The following PTPN4 variants were observed in gnomAD, a reference collection of about 807,000 sequenced individuals.
PTPN4 encodes the protein tyrosine-protein phosphatase non-receptor type 4.
Under a neutral mutation model 135.5 loss-of-function variants are expected in PTPN4, and 49 were observed. The ratio of observed to expected loss-of-function variants is 0.36; its 90% CI spans 0.29 to 0.46. The LOEUF (loss-of-function observed/expected upper bound fraction) is 0.46. Among genes scored for constraint, PTPN4 ranks in the 20% least tolerant of loss-of-function variants. PTPN4 has a pLI of 1.00. For missense variants in PTPN4, 860 were observed against 1,101.0 expected, an observed-to-expected ratio of 0.78 and a Z score of 3.10; for synonymous variants, 333 against 369.9, an observed-to-expected ratio of 0.90 and a Z score of 1.14.
At chr2:119,940,251 T>G (rs1192884093) in intron 15 of PTPN4, among the ~76,000 whole-genome samples, 1 of 152,220 alleles carries the variant, frequency 6.6e-6, no homozygotes, top group Non-Finnish European at 1.5e-5. Flanking sequence ...CAACCTGAAG[T>G]GACATTTACT....
At position 119,978,454 on chromosome 2, in the gene PTPN4, A is replaced by C. The variant is rs1679648879; in HGVS notation, c.*1384A>C. On this transcript the variant is annotated 3_prime_UTR_variant, in exon 27 of 27. Coordinates refer to ENST00000263708, the MANE Select transcript of PTPN4 (RefSeq NM_002830.4). ...TTGTTTTTTTGTGTACAATTAAATT[A>C]TTCCATTTTATATATACTTATTAAG... The C allele has an allele frequency of 6.6e-6, 1 of 152,128 alleles. No homozygotes were observed. Among genetic ancestry groups the C allele is most frequent in the Admixed American group, 6.5e-5 (1 of 15,270 alleles). 9.4% of individuals were successfully genotyped at this position (152,128 alleles called of 1,614,324 possible).
intron 9 of PTPN4, among the ~76,000 whole-genome samples, chr2:119,887,039 C>T (rs1678170004): frequency 1.3e-5 from 2 of 151,716 alleles, no homozygotes; most frequent in South Asian, 4.2e-4. Context: ...TAAAATATGC[C>T]CCTTTATTTT....
chr2:119,812,621 A>G (rs943371896), intron 2 of PTPN4, among the ~76,000 whole-genome samples: 6 of 152,234 alleles, frequency 3.9e-5, no homozygotes, highest in African/African-American at 1.4e-4. Flanking sequence ...TGTTGTTTCA[A>G]TGTCAAGTCC....
intron 18 of PTPN4, 26 bp from the exon 19 acceptor site, chr2:119,951,947 G>C (rs774763430): frequency 1.3e-5 from 20 of 1,545,196 alleles, no homozygotes; most frequent in Admixed American, 1.9e-5. Context: ...ATGCCAATCT[G>C]AAACCTTATC....
chr2:119,933,364 A>G (rs1483653834), intron 14 of PTPN4, among the ~76,000 whole-genome samples: 1 of 152,204 alleles, frequency 6.6e-6, no homozygotes, highest in East Asian at 1.9e-4. Context: ...ACACACATTA[A>G]TGTTTAATAA....
intron 15 of PTPN4, among the ~76,000 whole-genome samples, chr2:119,942,556 T>C (rs1163071827): frequency 6.6e-6 from 1 of 152,078 alleles, no homozygotes; most frequent in African/African-American, 2.4e-5. Flanking sequence ...CTTTTAAATG[T>C]TTCCTGGTTA....
At chr2:119,897,217 G>A (rs1488737719) in intron 9 of PTPN4, among the ~76,000 whole-genome samples, 1 of 152,002 alleles carries the variant, frequency 6.6e-6, no homozygotes, top group Admixed American at 6.6e-5. Context: ...ACAGGCATGA[G>A]CCACCACACC....
At chr2:119,976,330 T>C (rs935682705) in intron 26 of PTPN4, among the ~76,000 whole-genome samples, 6 of 152,164 alleles carry the variant, frequency 3.9e-5, no homozygotes, top group Admixed American at 1.3e-4. Flanking sequence ...TATTCTTCCA[T>C]TGCTTTTTTT....
In PTPN4 at chr2:119,979,512, ATATT is replaced by A. The variant is rs1261625040; in HGVS notation, c.*2447_*2450del. On this transcript the variant is annotated 3_prime_UTR_variant, in exon 27 of 27. Transcript: ENST00000263708. The stretch of plus-strand genomic sequence containing the variant: ...GCAGAAAAGATCCTTTTTGAAAACC[ATATT>A]TATTGGGATCTTATTTAAATTTAAA... The A allele has an allele frequency of 6.6e-6, 1 of 152,130 alleles. No individual in the cohort carries two copies. Among genetic ancestry groups the A allele is most frequent in the Non-Finnish European group, 1.5e-5 (1 of 67,958 alleles). 9.4% of individuals were successfully genotyped at this position (152,130 alleles called of 1,614,324 possible).
chr2:119,926,686 T>A lies in PTPN4; in HGVS notation c.1070+20T>A, dbSNP rs758602206. On this transcript the variant is annotated intron_variant, in intron 13 of 26. Coordinates refer to ENST00000263708, the MANE Select transcript of PTPN4 (RefSeq NM_002830.4). ...TGCAAGGTAAGCCAAATCTGTTTCA[T>A]TGTTTGAATTTTTTTAAAAAGATGG... The A allele has an allele frequency of 3.9e-6, 6 of 1,544,068 alleles. No individual in the cohort carries two copies. In the East Asian group the frequency reaches 1.1e-4, roughly 29 times the overall value.
At chr2:119,958,811 A>G (rs1293369713) in intron 22 of PTPN4, among the ~76,000 whole-genome samples, 3 of 152,224 alleles carry the variant, frequency 2.0e-5, no homozygotes, top group African/African-American at 7.2e-5. Context: ...CAACAGCACT[A>G]TAACTCATGC....
intron 9 of PTPN4, among the ~76,000 whole-genome samples, chr2:119,889,653 A>C (rs896005654): frequency 6.6e-6 from 1 of 151,718 alleles, no homozygotes; most frequent in African/African-American, 2.4e-5. Flanking sequence ...TTTCTGTTCT[A>C]TTAATTTTAG....
intron 15 of PTPN4, among the ~76,000 whole-genome samples, chr2:119,941,971 G>A (rs1679067889): frequency 6.6e-6 from 1 of 152,070 alleles, no homozygotes; most frequent in Non-Finnish European, 1.5e-5. Context: ...TGGTACTGCA[G>A]GCCCATTCTT....
At chr2:119,766,445 C>CGT (rs1252319453) in intron 1 of PTPN4, among the ~76,000 whole-genome samples, 4 of 56,906 alleles carry the variant, frequency 7.0e-5, no homozygotes, top group Admixed American at 1.7e-4. Context: ...TGCGCATGTG[C>CGT]GCGCGTGTGT....
chr2:119,806,760 C>T lies in PTPN4; in HGVS notation c.-17-3077C>T, dbSNP rs536689359. Among the ~76,000 whole-genome samples the T allele has an allele frequency of 7.2e-5, 11 of 152,288 alleles. No homozygotes were observed. In the East Asian group the frequency reaches 2.1e-3, roughly 29 times the overall value. On this transcript the variant is annotated intron_variant, in intron 1 of 26. Coordinates refer to ENST00000263708, the MANE Select transcript of PTPN4 (RefSeq NM_002830.4). ...ATCTACAGAACTCTCCACCCCAAAT[C>T]AGCAGAATATACATTCTTCTCAGCA...
chr2:119,939,189 G>A (rs909157317), intron 15 of PTPN4, among the ~76,000 whole-genome samples: 1 of 152,176 alleles, frequency 6.6e-6, no homozygotes, highest in African/African-American at 2.4e-5. Flanking sequence ...GATATTTGAA[G>A]TGTGAGCATC....
chr2:119,886,830 T>C (rs1293645386), intron 9 of PTPN4, among the ~76,000 whole-genome samples: 1 of 152,210 alleles, frequency 6.6e-6, no homozygotes, highest in Non-Finnish European at 1.5e-5. Context: ...TTAGTTCTTA[T>C]GTTTCACAAA....
chr2:119,961,043 C>CT, intron 23 of PTPN4, 90 bp downstream of exon 23: 2 of 1,352,602 alleles, frequency 1.5e-6, no homozygotes, highest in Non-Finnish European at 2.0e-6. Context: ...TTATTTAAGC[C>CT]TTTGTAACCT....
intron 1 of PTPN4, among the ~76,000 whole-genome samples, chr2:119,794,815 T>G (rs1691221950): frequency 6.6e-6 from 1 of 152,194 alleles, no homozygotes; most frequent in South Asian, 2.1e-4. Flanking sequence ...GTTCTTGTCC[T>G]GTGTCCAGGA....
Sources: allele counts gnomAD v4.1 joint callset (sites outside exome capture counted in the v4.1 genomes callset), GRCh38; gene constraint gnomAD v4.1.1; transcripts MANE v1.5; gene names NCBI Gene and HGNC (gene_info 2026-07-23, HGNC 2026-07-21).